RBM34: variants seen among roughly 807,000 people sequenced by gnomAD.
The protein encoded by RBM34 is RNA-binding protein 34.
A neutral mutation model predicts 44.6 loss-of-function variants in RBM34; 39 were observed. The ratio of observed to expected loss-of-function variants is 0.87; its 90% CI spans 0.68 to 1.14. The LOEUF is 1.14. RBM34 is among the 50% of genes most tolerant of loss of function. The pLI, the probability that RBM34 is intolerant of heterozygous loss-of-function variation, is 0.00. For missense variants in RBM34, 572 were observed against 517.9 expected (o/e 1.10, Z -1.01); for synonymous variants, 194 against 184.0 (o/e 1.05, Z -0.44).
rs79286838 is a variant in RBM34, at chr1:235,145,960, C to A, written c.701+2444G>T. Among the ~76,000 whole-genome samples, 153 of 140,940 alleles carry A rather than the reference C, an allele frequency of 1.1e-3. 4 individuals carry two copies. In the East Asian group the frequency reaches 0.03, roughly 28 times the overall value. The allele number at this position is 140,940 out of a possible 152,430, so 92.5% of individuals were successfully genotyped here. On this transcript the variant is annotated intron_variant, in intron 6 of 10. Coordinates refer to ENST00000408888, the MANE Select transcript of RBM34 (RefSeq NM_015014.4). The stretch of plus-strand genomic sequence containing the variant: ...GCCTCCATGACCAGCTAAAATATTA[C>A]AGCAGGTTTTTTTTTTTTTTTTTTT...
chr1:235,143,169 T>C (rs925314392), intron 6 of RBM34, among the ~76,000 whole-genome samples: 16 of 152,218 alleles, frequency 1.1e-4, no homozygotes, highest in South Asian at 2.1e-4. Flanking sequence ...GTCACTGTGG[T>C]TGACAAACCT....
At chr1:235,140,974 C>T (rs1414632070) in intron 6 of RBM34, among the ~76,000 whole-genome samples, 2 of 151,878 alleles carry the variant, frequency 1.3e-5, no homozygotes, top group Non-Finnish European at 2.9e-5. Flanking sequence ...GTAAACACAC[C>T]AATCGGCACC....
intron 9 of RBM34, 120 bp downstream of exon 9, chr1:235,135,914 G>T (rs142786294): frequency 8.2e-7 from 1 of 1,220,540 alleles, no homozygotes; most frequent in South Asian, 1.4e-5. Flanking sequence ...GTGCTGCCAC[G>T]GCAAACACAT....
intron 3 of RBM34, among the ~76,000 whole-genome samples, chr1:235,155,875 A>G (rs1380454159): frequency 9.1e-5 from 3 of 32,826 alleles, no homozygotes; most frequent in Non-Finnish European, 1.5e-4. Flanking sequence ...ATACATATAT[A>G]CTTTTTTTTT....
At chr1:235,150,471 C>T (rs545199781) in intron 5 of RBM34, among the ~76,000 whole-genome samples, 4 of 152,172 alleles carry the variant, frequency 2.6e-5, no homozygotes, top group Admixed American at 2.0e-4. Flanking sequence ...TATAAAGTAT[C>T]GGAAAAGCTT....
At chr1:235,135,299 GC>G (rs1661377308) in intron 10 of RBM34, among the ~76,000 whole-genome samples, 1 of 151,206 alleles carries the variant, frequency 6.6e-6, no homozygotes, top group South Asian at 2.1e-4. Context: ...CACGATCTCG[GC>G]TCACTGCAAC....
chr1:235,157,074 G>A (rs1662480707), intron 3 of RBM34, among the ~76,000 whole-genome samples: 2 of 152,224 alleles, frequency 1.3e-5, no homozygotes, highest in Admixed American at 1.3e-4. Flanking sequence ...TGGGAACCAG[G>A]TCAGGAGAGA....
intron 8 of RBM34, among the ~76,000 whole-genome samples, chr1:235,137,308 A>G (rs1227210982): frequency 6.6e-6 from 1 of 152,162 alleles, no homozygotes; most frequent in Non-Finnish European, 1.5e-5. Context: ...CTCGGTCTAT[A>G]ATGTGTTAGA....
intron 6 of RBM34, among the ~76,000 whole-genome samples, chr1:235,142,926 CAAAA>C (rs34015202): frequency 4.5e-5 from 3 of 66,242 alleles, no homozygotes; most frequent in Non-Finnish European, 2.7e-5. Context: ...GGATCCATCT[CAAAA>C]AAAAAAAAAA....
intron 3 of RBM34, among the ~76,000 whole-genome samples, chr1:235,158,778 C>T (rs1662561526): frequency 1.3e-5 from 2 of 152,000 alleles, no homozygotes; most frequent in Non-Finnish European, 2.9e-5. Context: ...GCTAGGTACA[C>T]GTGATGGGAT....
rs1189761178 is a variant in RBM34 at position 235,138,189 on chromosome 1, AAAAAAG to A, written c.702-21_702-16del. On this transcript the variant is annotated splice_polypyrimidine_tract_variant and intron_variant, in intron 6 of 10. Coordinates refer to ENST00000408888, the MANE Select transcript of RBM34 (RefSeq NM_015014.4). ...GAATTTTACGTCTACACCAAAAAAA[AAAAAAG>A]AAAGAAAGAAAAGAGAGACAAGGTA... is the stretch of plus-strand genomic sequence containing the variant. The A allele has an allele frequency of 1.3e-6, 2 of 1,557,340 alleles. No homozygotes were observed. Among genetic ancestry groups the A allele is most frequent in the African/African-American group, 1.4e-5 (1 of 71,858 alleles).
chr1:235,152,690 G>A lies in RBM34; in HGVS notation c.657+16C>T, dbSNP rs1215376628. ...AATTTTAATATTATGTAATTTTACG[G>A]GGGAATGAAACATACCAGAGAACGA... On this transcript the variant is annotated intron_variant, in intron 5 of 10. Coordinates refer to ENST00000408888, the MANE Select transcript of RBM34 (RefSeq NM_015014.4). The A allele has an allele frequency of 1.3e-6, 2 of 1,595,084 alleles. No individual in the cohort carries two copies. The highest frequency in any genetic ancestry group is 1.1e-5 in the South Asian group (1 of 87,206).
At chr1:235,145,966 GTTTTTTT>G (rs34111332) in intron 6 of RBM34, among the ~76,000 whole-genome samples, 25 of 77,214 alleles carry the variant, frequency 3.2e-4, no homozygotes, top group South Asian at 2.7e-3. Flanking sequence ...ATTACAGCAG[GTTTTTTT>G]TTTTTTTTTT....
intron 9 of RBM34, 124 bp downstream of exon 9, chr1:235,135,910 C>A (rs1232989848): frequency 8.3e-7 from 1 of 1,207,424 alleles, no homozygotes; most frequent in Non-Finnish European, 1.2e-6. Flanking sequence ...ACATGTGCTG[C>A]CACGGCAAAC....
chr1:235,152,870 CTTTTT>C (rs11351017), intron 4 of RBM34, 105 bp from the exon 5 acceptor site: 517 of 593,910 alleles, frequency 8.7e-4, no homozygotes, highest in South Asian at 3.2e-3. Flanking sequence ...TACTGCCAGG[CTTTTT>C]TTTTTTTTTT....
Position 235,137,765 on chromosome 1 carries a change from C to T in RBM34, c.849+112G>A, listed in dbSNP as rs1268374719. 16 of 794,232 alleles carry T rather than the reference C, an allele frequency of 2.0e-5. No individual in the cohort carries two copies. In the East Asian group the frequency reaches 3.8e-4, roughly 19 times the overall value. The allele number at this position is 794,232 out of a possible 1,614,324, so 49.2% of individuals were successfully genotyped here. A position where few individuals can be genotyped will look rare whatever the true frequency, so the allele number is the denominator to read the frequency against. ...AACCACAGAGGACATAGGCTGTTTC[C>T]TTCTGCGCTTCCCTCACATTGCTGA... On this transcript the variant is annotated intron_variant, in intron 8 of 10. Coordinates refer to ENST00000408888, the MANE Select transcript of RBM34 (RefSeq NM_015014.4).
At chr1:235,136,536 A>T (rs1661441344) in intron 8 of RBM34, among the ~76,000 whole-genome samples, 1 of 152,102 alleles carries the variant, frequency 6.6e-6, no homozygotes, top group Non-Finnish European at 1.5e-5. Flanking sequence ...GCTCTCTGCC[A>T]TAGTTTGTTG....
At chr1:235,161,117 C>A in intron 1 of RBM34, 50 bp from the exon 2 acceptor site, 1 of 1,605,284 alleles carries the variant, frequency 6.2e-7, no homozygotes, top group Non-Finnish European at 8.5e-7. Context: ...ACCGCTTCGC[C>A]AGCACGAGGG....
chr1:235,161,062 T>C lies in RBM34; in HGVS notation c.59A>G (p.Asn20Ser), dbSNP rs903647965. 2.5e-6 allele frequency: 4 copies of C among 1,613,754 alleles called. No individual in the cohort carries two copies. Among genetic ancestry groups the C allele is most frequent in the Admixed American group, 3.3e-5 (2 of 59,980 alleles). Residue 20 changes from asparagine (N) to serine (S), a missense_variant, in exon 2 of 11, where the codon AAT becomes AGT. By Grantham distance (46) the Asn-to-Ser change is conservative. Transcript: ENST00000408888. ...KRKRSVQEGE[N>S]PDDGVRGSPP... ...ACTCCCGCGAACGCCGTCGTCAGGA[T>C]TCTCTCTAGAAATGGACGACAGAAA...
Sources: allele counts gnomAD v4.1 joint callset (sites outside exome capture counted in the v4.1 genomes callset), GRCh38; gene constraint gnomAD v4.1.1; transcripts MANE v1.5; gene names NCBI Gene and HGNC (gene_info 2026-07-23, HGNC 2026-07-21).